NUDT9: variants seen among roughly 807,000 people sequenced by gnomAD.
NUDT9 encodes the protein ADP-ribose pyrophosphatase.
NUDT9 carries 31 observed loss-of-function variants against 41.0 expected under a neutral mutation model. That is an observed-to-expected ratio of 0.76 (90% confidence interval 0.57 to 1.02). The LOEUF is 1.02. Among genes scored for constraint, NUDT9 ranks in the 50% least tolerant of loss-of-function variants. The probability of loss-of-function intolerance (pLI) is 0.00; values close to 1 mark genes in which losing one functional copy is unlikely to be tolerated. For synonymous variants in NUDT9, 146 were observed against 147.6 expected (o/e 0.99, Z 0.08); for missense variants, 380 against 431.4 (o/e 0.88, Z 1.06).
chr4:87,425,029 A>G (rs1721345241), intron 1 of NUDT9, among the ~76,000 whole-genome samples: 1 of 152,188 alleles, frequency 6.6e-6, no homozygotes, highest in Admixed American at 6.5e-5. Context: ...ATTCTGGGTG[A>G]CAGAGTGATA....
Position 87,439,232 on chromosome 4 carries a change from G to C in NUDT9, c.443+860G>C, listed in dbSNP as rs547428606. Reference sequence around the variant, plus strand: ...GGGAAAGAAGTTTAATTAACTTACAGTTCTGCATGGCTGGGGAGGCCTCAG... The same window carrying C: ...GGGAAAGAAGTTTAATTAACTTACACTTCTGCATGGCTGGGGAGGCCTCAG... On this transcript the variant is annotated intron_variant, in intron 3 of 7. Coordinates refer to ENST00000302174, the MANE Select transcript of NUDT9 (RefSeq NM_024047.5). Among the ~76,000 whole-genome samples the C allele has an allele frequency of 3.9e-5, 6 of 152,070 alleles. No individual in the cohort carries two copies. The South Asian group carries it at 1.3e-3, about 32-fold the overall frequency.
intron 1 of NUDT9, among the ~76,000 whole-genome samples, chr4:87,426,927 TC>T (rs1397018371): frequency 1.8e-5 from 1 of 55,752 alleles, no homozygotes; most frequent in Non-Finnish European, 3.5e-5. Flanking sequence ...ACCAAACCAC[TC>T]CCTTGCCAAA....
rs529577445 is a variant in NUDT9, at chr4:87,449,856, T to A, written c.642+603T>A. On this transcript the variant is annotated intron_variant, in intron 5 of 7. Transcript: ENST00000302174. ...ATATTTGAAGTGGCCATTTATTTTT[T>A]ATTTTTTATTTATTTATTTATTTTG... is the stretch of plus-strand genomic sequence containing the variant. Among the ~76,000 whole-genome samples the A allele has an allele frequency of 7.9e-5, 12 of 152,258 alleles. No homozygotes were observed. In the South Asian group the frequency reaches 2.5e-3, roughly 32 times the overall value.
At chr4:87,424,027 T>G (rs1017870029) in intron 1 of NUDT9, among the ~76,000 whole-genome samples, 7 of 152,326 alleles carry the variant, frequency 4.6e-5, no homozygotes, top group Non-Finnish European at 7.4e-5. Flanking sequence ...AACACCAGTA[T>G]TCACAGTAGG....
At chr4:87,449,376 TC>T in intron 5 of NUDT9, 123 bp downstream of exon 5, 1 of 618,016 alleles carries the variant, frequency 1.6e-6, no homozygotes, top group Non-Finnish European at 2.9e-6. Flanking sequence ...ATTTAGTAAT[TC>T]TTATGTTTTT....
chr4:87,451,627 GA>G lies in NUDT9; in HGVS notation c.685del (p.Arg229GlufsTer21). The G allele has an allele frequency of 1.2e-6, 2 of 1,613,946 alleles. No individual in the cohort carries two copies. Among genetic ancestry groups the G allele is most frequent in the Admixed American group, 1.7e-5 (1 of 60,012 alleles). ...CAGGAGAGAAGATTAGTGCCACACT[GA>G]AAAGAGAATTTGGTGAGGAAGCTCT... ...DPGEKISATL[K>X]REFGEEALNS... On this transcript the variant is annotated frameshift_variant, in exon 6 of 8. Coordinates refer to ENST00000302174, the MANE Select transcript of NUDT9 (RefSeq NM_024047.5). LOFTEE classifies it high-confidence loss of function.
intron 7 of NUDT9, among the ~76,000 whole-genome samples, chr4:87,454,926 T>A (rs1159526028): frequency 6.6e-6 from 1 of 152,176 alleles, no homozygotes; most frequent in Non-Finnish European, 1.5e-5. Flanking sequence ...TTTAAATGAA[T>A]GCTGTTTCTG....
At chr4:87,457,104 T>TG (rs1414284484) in intron 7 of NUDT9, among the ~76,000 whole-genome samples, 1 of 152,204 alleles carries the variant, frequency 6.6e-6, no homozygotes, top group East Asian at 1.9e-4. Flanking sequence ...ATTTACAGAA[T>TG]GAGTGCTTGT....
At position 87,441,983 on chromosome 4, in the gene NUDT9, A is replaced by G. The variant is rs146464304; in HGVS notation, c.530+68A>G. On this transcript the variant is annotated intron_variant, in intron 4 of 7. Coordinates refer to ENST00000302174, the MANE Select transcript of NUDT9 (RefSeq NM_024047.5). Reference sequence around the variant, plus strand: ...GATAGAAAAATTGCAGACTGTAGCTATGTTTGTGTATATATGTATACCTGT... The same window carrying G: ...GATAGAAAAATTGCAGACTGTAGCTGTGTTTGTGTATATATGTATACCTGT... The G allele has an allele frequency of 1.7e-3, 1,764 of 1,059,846 alleles. 3 individuals are homozygous for G. Among genetic ancestry groups the G allele is most frequent in the Non-Finnish European group, 2.1e-3 (1,535 of 724,646 alleles). The allele number at this position is 1,059,846 out of a possible 1,614,324, so 65.7% of individuals were successfully genotyped here.
At chr4:87,457,619 C>G (rs1723044707) in intron 7 of NUDT9, among the ~76,000 whole-genome samples, 1 of 152,024 alleles carries the variant, frequency 6.6e-6, no homozygotes, top group Admixed American at 6.6e-5. Context: ...TTGTGTTTAT[C>G]TAAAATTTAG....
rs1408919112 is a variant in NUDT9 at position 87,435,000 on chromosome 4, T to C, written c.127T>C (p.Trp43Arg). 6.2e-7 allele frequency: 1 copy of C among 1,610,098 alleles called. No homozygotes were observed. Among genetic ancestry groups the C allele is most frequent in the African/African-American group, 1.3e-5 (1 of 74,828 alleles). ...QAFRNSFSSS[W>R]FHLNTNVMSG... ...CCCCAGAAACTCGTTTTCATCTTCTTGGTTTCATCTTAATACCAACGTCAT... is the reference window on the plus strand; with the variant it reads ...CCCCAGAAACTCGTTTTCATCTTCTCGGTTTCATCTTAATACCAACGTCAT... The change falls in exon 2 of 8, where the codon TGG (tryptophan) becomes CGG (arginine). Residue 43 changes from tryptophan (W) to arginine (R), a missense_variant. Physicochemically the swap from Trp to Arg is moderately radical, Grantham distance 101. Coordinates refer to ENST00000302174, the MANE Select transcript of NUDT9 (RefSeq NM_024047.5).
chr4:87,441,959 A>G (rs980361109), intron 4 of NUDT9, 44 bp downstream of exon 4: 3 of 1,424,956 alleles, frequency 2.1e-6, no homozygotes, highest in African/African-American at 2.9e-5. Context: ...GAGCTAAGTG[A>G]TAGAAAAATT....
intron 2 of NUDT9, among the ~76,000 whole-genome samples, chr4:87,438,016 G>A (rs544260333): frequency 6.6e-6 from 1 of 152,070 alleles, no homozygotes; most frequent in East Asian, 1.9e-4. Context: ...CTCTTCTGCT[G>A]GTAGTCCTTC....
chr4:87,453,828 T>C (rs1722864021), intron 6 of NUDT9, among the ~76,000 whole-genome samples: 1 of 151,864 alleles, frequency 6.6e-6, no homozygotes, highest in East Asian at 1.9e-4. Flanking sequence ...TTTTATGATA[T>C]TTACATTTCT....
chr4:87,436,715 G>A (rs545983817), intron 2 of NUDT9, among the ~76,000 whole-genome samples: 1 of 152,176 alleles, frequency 6.6e-6, no homozygotes, highest in South Asian at 2.1e-4. Flanking sequence ...CATGTTAGAT[G>A]GCAGATTGGC....
chr4:87,457,703 G>A, intron 7 of NUDT9, 140 bp from the exon 8 acceptor site: 1 of 687,652 alleles, frequency 1.5e-6, no homozygotes, highest in Admixed American at 3.6e-5. Flanking sequence ...GACCAGGGAT[G>A]GAATGGTCTA....
chr4:87,447,101 A>G (rs903349938), intron 4 of NUDT9, among the ~76,000 whole-genome samples: 1 of 152,258 alleles, frequency 6.6e-6, no homozygotes, highest in Admixed American at 6.5e-5. Context: ...TTTCTGGTCT[A>G]TCTTTTCCCT....
At chr4:87,444,003 C>T (rs1204020325) in intron 4 of NUDT9, among the ~76,000 whole-genome samples, 1 of 152,120 alleles carries the variant, frequency 6.6e-6, no homozygotes, top group African/African-American at 2.4e-5. Context: ...TTAAGAAGGT[C>T]AGTGAATCTA....
rs1375601820 is a variant in NUDT9 at position 87,458,057 on chromosome 4, G to A, written c.*36G>A. Reference sequence around the variant, plus strand: ...CCGTGTAAGCCAAAGGCCCACAGAGGAGCATATACTGAAAAGAAGGCAGTA... The same window carrying A: ...CCGTGTAAGCCAAAGGCCCACAGAGAAGCATATACTGAAAAGAAGGCAGTA... On this transcript the variant is annotated 3_prime_UTR_variant, in exon 8 of 8. Coordinates refer to ENST00000302174, the MANE Select transcript of NUDT9 (RefSeq NM_024047.5). The A allele has an allele frequency of 9.6e-6, 14 of 1,463,532 alleles. No homozygotes were observed. Among genetic ancestry groups the A allele is most frequent in the Non-Finnish European group, 1.3e-5 (14 of 1,111,584 alleles). The allele number at this position is 1,463,532 out of a possible 1,614,324, so 90.7% of individuals were successfully genotyped here.
Sources: gnomAD v4.1 joint callset for allele counts (sites outside exome capture counted in the v4.1 genomes callset) on GRCh38, gnomAD v4.1.1 for gene constraint, MANE v1.5 for transcripts, NCBI Gene and HGNC (gene_info 2026-07-23, HGNC 2026-07-21) for gene names.